CD1B: variants seen among roughly 807,000 people sequenced by gnomAD.
CD1B encodes the protein CD1b molecule, also known as T-cell surface glycoprotein CD1b.
CD1B carries 43 observed loss-of-function variants against 39.8 expected under a neutral mutation model. The observed-to-expected ratio is 1.08, with a 90% CI of 0.85 to 1.39. The LOEUF is 1.39. CD1B is among the 40% of genes most tolerant of loss of function. The pLI is 0.00. For synonymous variants in CD1B, 192 were observed against 152.5 expected (o/e 1.26, Z -1.91); for missense variants, 495 against 403.8 (o/e 1.23, Z -1.94).
At chr1:158,324,135 A>G (rs1028621788), downstream of CD1B, among the ~76,000 whole-genome samples, 11 of 152,200 alleles carry the variant, frequency 7.2e-5, no homozygotes, top group Non-Finnish European at 1.5e-4. Context: ...AGTGTGCATG[A>G]TTCCTCCTAG....
chr1:158,286,948 C>T, the CD1B span, among the ~76,000 whole-genome samples: 1 of 152,108 alleles, frequency 6.6e-6, no homozygotes, highest in Non-Finnish European at 1.5e-5. Context: ...CTCCTACTGC[C>T]CTTTACCTCT....
rs1368417325 is a variant in CD1B at position 158,328,813 on chromosome 1, A to G, written c.980+108T>C. On this transcript the variant is annotated intron_variant, in intron 5 of 5. Coordinates refer to ENST00000368168, the MANE Select transcript of CD1B (RefSeq NM_001764.3). The stretch of plus-strand genomic sequence containing the variant: ...GGGAGTTTGGGGAAAGGATATGGTG[A>G]AAGGATTGAGGATAAACAATTTTTA... 4 of 782,080 alleles carry G rather than the reference A, an allele frequency of 5.1e-6. No individual in the cohort carries two copies. In the Admixed American group the frequency reaches 1.2e-4, roughly 23 times the overall value. The allele number at this position is 782,080 out of a possible 1,614,324, so 48.4% of individuals were successfully genotyped here. A position where few individuals can be genotyped will look rare whatever the true frequency, so the allele number is the denominator to read the frequency against.
In CD1B at chr1:158,330,072, TA is replaced by T. The variant is rs1297752432; in HGVS notation, c.386del (p.Val129GlufsTer4). Reference sequence around the variant, plus strand: ...CTCCTAGAGCTCCCCTCAGGAAGCTTACTATGGCACCTCCAGAATGTAGCTC... The same window carrying T: ...CTCCTAGAGCTCCCCTCAGGAAGCTTCTATGGCACCTCCAGAATGTAGCTC... ...GCELHSGGAI[V>X]SFLRGALGGL... On this transcript the variant is annotated frameshift_variant, in exon 3 of 6. Coordinates refer to ENST00000368168, the MANE Select transcript of CD1B (RefSeq NM_001764.3). LOFTEE classifies it high-confidence loss of function. 1 of 1,613,884 alleles carries T rather than the reference TA, an allele frequency of 6.2e-7. No homozygotes were observed. Among genetic ancestry groups the T allele is most frequent in the East Asian group, 2.2e-5 (1 of 44,872 alleles).
chr1:158,318,380 A>G, the CD1B span, among the ~76,000 whole-genome samples: 2 of 151,052 alleles, frequency 1.3e-5, no homozygotes, highest in Non-Finnish European at 3.0e-5. Context: ...AGGATAGTTA[A>G]CTCTTCTTGT....
At chr1:158,315,770 G>C in the CD1B span, among the ~76,000 whole-genome samples, 17 of 152,016 alleles carry the variant, frequency 1.1e-4, no homozygotes, top group South Asian at 2.1e-4. Context: ...AGGTTTTCTT[G>C]TAGGGTTTTT....
At chr1:158,304,406 A>T in the CD1B span, among the ~76,000 whole-genome samples, 1 of 152,094 alleles carries the variant, frequency 6.6e-6, no homozygotes, top group Non-Finnish European at 1.5e-5. Flanking sequence ...GGCGCCCACC[A>T]TTGCCTAGGC....
At chr1:158,313,401 C>T in the CD1B span, among the ~76,000 whole-genome samples, 112 of 152,312 alleles carry the variant, frequency 7.4e-4, 4 homozygotes, top group South Asian at 0.023. Context: ...GCCTCAACCT[C>T]CTGGGCTTGG....
At chr1:158,301,817 T>A in the CD1B span, among the ~76,000 whole-genome samples, 1 of 152,314 alleles carries the variant, frequency 6.6e-6, no homozygotes, top group Non-Finnish European at 1.5e-5. Context: ...ATTTCCTGAA[T>A]TTGAATGTTG....
the CD1B span, among the ~76,000 whole-genome samples, chr1:158,316,321 C>T: frequency 1.6e-4 from 25 of 152,102 alleles, no homozygotes; most frequent in African/African-American, 6.0e-4. Context: ...TTTTTATCCT[C>T]TTTTATTTCA....
the CD1B span, among the ~76,000 whole-genome samples, chr1:158,318,046 G>C: frequency 6.6e-6 from 1 of 152,118 alleles, no homozygotes; most frequent in African/African-American, 2.4e-5. Flanking sequence ...TATAATTTCT[G>C]TTCCTTTACA....
chr1:158,303,583 A>T, the CD1B span, among the ~76,000 whole-genome samples: 4 of 152,228 alleles, frequency 2.6e-5, no homozygotes, highest in East Asian at 7.7e-4. Context: ...TCTTCAAGGT[A>T]TAAAATCAAT....
chr1:158,309,717 A>G, the CD1B span, among the ~76,000 whole-genome samples: 3 of 152,044 alleles, frequency 2.0e-5, no homozygotes, highest in Admixed American at 1.3e-4. Context: ...CTTTCTCAGC[A>G]AACTATTGCA....
the CD1B span, among the ~76,000 whole-genome samples, chr1:158,298,023 A>G: frequency 6.6e-6 from 1 of 152,142 alleles, no homozygotes; most frequent in Non-Finnish European, 1.5e-5. Flanking sequence ...AAGGACACCC[A>G]TAGGCCAAAA....
At chr1:158,311,208 C>T in the CD1B span, among the ~76,000 whole-genome samples, 6 of 151,670 alleles carry the variant, frequency 4.0e-5, no homozygotes, top group African/African-American at 1.5e-4. Flanking sequence ...TAGTTACCTG[C>T]TTAGACTAAT....
At chr1:158,299,395 T>A in the CD1B span, among the ~76,000 whole-genome samples, 1 of 152,192 alleles carries the variant, frequency 6.6e-6, no homozygotes, top group Non-Finnish European at 1.5e-5. Context: ...AGCTTTTTGA[T>A]GTGCTGCTGG....
the CD1B span, chr1:158,293,498 C>A: frequency 1.2e-6 from 2 of 1,614,122 alleles, no homozygotes; most frequent in South Asian, 2.2e-5. Flanking sequence ...CTGACTCCCC[C>A]ATTGTGTTAA....
the CD1B span, among the ~76,000 whole-genome samples, chr1:158,304,916 C>T: frequency 6.6e-6 from 1 of 152,046 alleles, no homozygotes; most frequent in Admixed American, 6.6e-5. Flanking sequence ...GTAAGGACAT[C>T]CACACCAAAA....
chr1:158,298,657 T>A, the CD1B span, among the ~76,000 whole-genome samples: 4 of 152,212 alleles, frequency 2.6e-5, no homozygotes, highest in Non-Finnish European at 4.4e-5. Context: ...GCATGGAATG[T>A]TCTTCCATTT....
chr1:158,330,381 G>T (rs552724029), intron 2 of CD1B, among the ~76,000 whole-genome samples: 1 of 152,222 alleles, frequency 6.6e-6, no homozygotes, highest in South Asian at 2.1e-4. Flanking sequence ...GGCAGAGCGT[G>T]GTGCAGTCAG....
Sources: gnomAD v4.1 joint callset for allele counts (sites outside exome capture counted in the v4.1 genomes callset) on GRCh38, gnomAD v4.1.1 for gene constraint, MANE v1.5 for transcripts, NCBI Gene and HGNC (gene_info 2026-07-23, HGNC 2026-07-21) for gene names.